The following COQ10B variants were observed in gnomAD, a reference collection of about 807,000 sequenced individuals.
The protein encoded by COQ10B is coenzyme Q10B, also known as coenzyme Q-binding protein COQ10 homolog B, mitochondrial.
A neutral mutation model predicts 27.6 loss-of-function variants in COQ10B; 12 were observed. The observed-to-expected ratio is 0.43, with a 90% CI of 0.28 to 0.70. The LOEUF (loss-of-function observed/expected upper bound fraction) is 0.70. Ranked by LOEUF, COQ10B falls within the 30% of genes least tolerant of loss-of-function variation. The pLI is 0.17. For missense variants in COQ10B, 278 were observed against 288.7 expected (o/e 0.96, Z 0.27); for synonymous variants, 115 against 103.0 (o/e 1.12, Z -0.71).
At chr2:197,471,548 T>C (rs2085877549) in intron 4 of COQ10B, among the ~76,000 whole-genome samples, 1 of 152,208 alleles carries the variant, frequency 6.6e-6, no homozygotes, top group Non-Finnish European at 1.5e-5. Context: ...TACAGGCAAC[T>C]TGGGCATTGA....
chr2:197,473,435 T>TACAC (rs2085903236), intron 4 of COQ10B, among the ~76,000 whole-genome samples: 3 of 102,778 alleles, frequency 2.9e-5, no homozygotes. Context: ...TATATATATA[T>TACAC]ATATATACAC....
intron 2 of COQ10B, 145 bp from the exon 3 acceptor site, chr2:197,462,394 A>G: frequency 1.9e-6 from 1 of 518,268 alleles, no homozygotes; most frequent in East Asian, 3.5e-5. Flanking sequence ...CTTTGAGGTC[A>G]TTGATTCCAG....
intron 3 of COQ10B, among the ~76,000 whole-genome samples, 178 bp from the exon 4 acceptor site, chr2:197,469,892 A>G (rs1053674031): frequency 5.3e-5 from 8 of 152,110 alleles, no homozygotes; most frequent in African/African-American, 1.9e-4. Context: ...AAAGGCTAAT[A>G]TTGGCAAGAC....
At position 197,470,687 on chromosome 2, in the gene COQ10B, G is replaced by A. The variant is rs543517439; in HGVS notation, c.549+516G>A. On this transcript the variant is annotated intron_variant, in intron 4 of 4. Transcript: ENST00000263960. ...AGGCGGGCAGATCACCTGAGGTCAG[G>A]AGTTCGAGACCAGCCTGACCAATAT... 5.3e-5 allele frequency among the ~76,000 whole-genome samples: 8 copies of A among 152,256 alleles called. No homozygotes were observed. In the East Asian group the frequency reaches 1.5e-3, roughly 29 times the overall value.
Position 197,470,080 on chromosome 2 carries a change from C to T in COQ10B, c.458C>T (p.Thr153Ile), listed in dbSNP as rs1270185907. Reference sequence around the variant, plus strand: ...TTCATTTTGTTGTAGGCATCTTGTACTGATGGGAGACTTTTCAATCATTTG... The same window carrying T: ...TTCATTTTGTTGTAGGCATCTTGTATTGATGGGAGACTTTTCAATCATTTG... The part of the protein sequence containing the change: ...VKPHLVKASC[T>I]DGRLFNHLET... Residue 153 changes from threonine (T) to isoleucine (I), a missense_variant, in exon 4 of 5, where the codon ACT (threonine) becomes ATT (isoleucine). Physicochemically the swap from Thr to Ile is moderately conservative, Grantham distance 89. Coordinates refer to ENST00000263960, the MANE Select transcript of COQ10B (RefSeq NM_025147.5). 6.2e-7 allele frequency: 1 copy of T among 1,609,208 alleles called. No individual in the cohort carries two copies. Among genetic ancestry groups the T allele is most frequent in the Non-Finnish European group, 8.5e-7 (1 of 1,176,078 alleles).
chr2:197,454,127 C>T (rs138053592), intron 1 of COQ10B: 1 of 1,550,596 alleles, frequency 6.4e-7, no homozygotes, highest in Non-Finnish European at 8.7e-7. Context: ...AGTGCTTTGC[C>T]CTCGCCATTT....
chr2:197,468,520 A>G (rs2085848736), intron 3 of COQ10B, among the ~76,000 whole-genome samples: 1 of 151,936 alleles, frequency 6.6e-6, no homozygotes, highest in Non-Finnish European at 1.5e-5. Flanking sequence ...TTTATCCTTT[A>G]ATGTTAAATT....
intron 3 of COQ10B, among the ~76,000 whole-genome samples, chr2:197,467,157 G>A (rs2085833093): frequency 6.6e-6 from 1 of 152,062 alleles, no homozygotes; most frequent in Non-Finnish European, 1.5e-5. Context: ...ATGTTGGCCA[G>A]GCTGGTCTCA....
chr2:197,473,416 ATAT>A (rs1479159461), intron 4 of COQ10B, among the ~76,000 whole-genome samples: 2,922 of 51,194 alleles, frequency 0.057, 364 homozygotes, highest in African/African-American at 0.17. Flanking sequence ...AAAAAAAAAA[ATAT>A]ATATATATAT....
chr2:197,460,267 T>C (rs1417508988), intron 2 of COQ10B, among the ~76,000 whole-genome samples, 186 bp downstream of exon 2: 1 of 150,872 alleles, frequency 6.6e-6, no homozygotes, highest in Non-Finnish European at 1.5e-5. Flanking sequence ...AGTGGCGCAA[T>C]CTTGGCTCAC....
At chr2:197,466,803 AT>A (rs2085828739) in intron 3 of COQ10B, among the ~76,000 whole-genome samples, 1 of 150,096 alleles carries the variant, frequency 6.7e-6, no homozygotes, top group Admixed American at 6.6e-5. Context: ...CTCCAAAACT[AT>A]TTTTTCTTTT....
intron 3 of COQ10B, among the ~76,000 whole-genome samples, chr2:197,468,829 A>T (rs1200876169): frequency 6.6e-6 from 1 of 152,076 alleles, no homozygotes; most frequent in Non-Finnish European, 1.5e-5. Context: ...ATAGTGTCAC[A>T]CACCTGTGGT....
Position 197,473,773 on chromosome 2 carries a change from G to C in COQ10B, c.566G>C (p.Arg189Pro). ...TTCCTACAGATTTCTTTTGAATTTC[G>C]ATCACTTCTACATTCCCAGCTTGCC... ...TLDFSISFEF[R>P]SLLHSQLATL... Residue 189 changes from arginine (R) to proline (P), a missense_variant, in exon 5 of 5, where the codon CGA becomes CCA. By Grantham distance (103) the Arg-to-Pro change is moderately radical. Around this residue, in one of 3 missense-constraint regions of COQ10B, gnomAD observed 83 missense variants for 104.5 expected, o/e 0.79. Transcript: ENST00000263960. The C allele has an allele frequency of 1.3e-6, 2 of 1,484,294 alleles. No homozygotes were observed. The highest frequency in any genetic ancestry group is 1.8e-6 in the Non-Finnish European group (2 of 1,112,044). The allele number at this position is 1,484,294 out of a possible 1,614,324, so 91.9% of individuals were successfully genotyped here.
chr2:197,461,626 TCA>T (rs2085759119), intron 2 of COQ10B, among the ~76,000 whole-genome samples: 1 of 104,752 alleles, frequency 9.5e-6, no homozygotes, highest in Non-Finnish European at 1.9e-5. Flanking sequence ...GTACAGGGTC[TCA>T]GAGAGAGAGA....
At position 197,475,181 on chromosome 2, in the gene COQ10B, A is replaced by G. The variant is rs757284733; in HGVS notation, c.*1257A>G. On this transcript the variant is annotated 3_prime_UTR_variant, in exon 5 of 5. Transcript: ENST00000263960. ...CTATATTGTTTAAATGTGTATTTGC[A>G]TAGACATAGTAAAGTGTTACAGCAT... 2 of 152,370 alleles carry G rather than the reference A, an allele frequency of 1.3e-5. No homozygotes were observed. Among genetic ancestry groups the G allele is most frequent in the African/African-American group, 2.4e-5 (1 of 41,468 alleles). 9.4% of individuals were successfully genotyped at this position (152,370 alleles called of 1,614,324 possible).
chr2:197,460,680 GAT>G (rs1456062286), intron 2 of COQ10B, among the ~76,000 whole-genome samples: 2 of 152,136 alleles, frequency 1.3e-5, no homozygotes, highest in Admixed American at 1.3e-4. Flanking sequence ...CTCATGTATA[GAT>G]ATACATAGAT....
Position 197,465,179 on chromosome 2 carries a change from C to G in COQ10B, c.447+2448C>G, listed in dbSNP as rs185540502. ...GGATTACAGGTGTGAACCACCGCACCCATCCAGAACTTAAATCTTAGTATA... is the reference window on the plus strand; with the variant it reads ...GGATTACAGGTGTGAACCACCGCACGCATCCAGAACTTAAATCTTAGTATA... On this transcript the variant is annotated intron_variant, in intron 3 of 4. Coordinates refer to ENST00000263960, the MANE Select transcript of COQ10B (RefSeq NM_025147.5). Among the ~76,000 whole-genome samples the G allele has an allele frequency of 3.4e-4, 52 of 152,070 alleles. No homozygotes were observed. In the South Asian group the frequency reaches 5.2e-3, roughly 15 times the overall value.
chr2:197,464,022 C>CACACACACACAT (rs1553574118), intron 3 of COQ10B, among the ~76,000 whole-genome samples: 2 of 99,686 alleles, frequency 2.0e-5, no homozygotes, highest in African/African-American at 3.7e-5. Flanking sequence ...CACACACACA[C>CACACACACACAT]ACACATACAT....
At chr2:197,458,741 C>T (rs2085726061) in intron 1 of COQ10B, among the ~76,000 whole-genome samples, 1 of 147,328 alleles carries the variant, frequency 6.8e-6, no homozygotes, top group African/African-American at 2.5e-5. Flanking sequence ...AGTGTGGTTG[C>T]ACAACTTCGG....
Sources: allele counts gnomAD v4.1 joint callset (sites outside exome capture counted in the v4.1 genomes callset), GRCh38; gene constraint gnomAD v4.1.1; regional missense constraint gnomAD v4.1.1; transcripts MANE v1.5; gene names NCBI Gene and HGNC (gene_info 2026-07-23, HGNC 2026-07-21).